N4BP2: variants seen among roughly 807,000 people sequenced by gnomAD.
N4BP2 encodes the protein NEDD4 binding protein 2, also known as NEDD4-binding protein 2.
A neutral mutation model predicts 152.8 loss-of-function variants in N4BP2; 91 were observed. The observed-to-expected ratio is 0.60, with a 90% CI of 0.50 to 0.71. The LOEUF (loss-of-function observed/expected upper bound fraction) is 0.71. Ranked by LOEUF, N4BP2 falls within the 30% of genes least tolerant of loss-of-function variation. The pLI is 0.00. For missense variants in N4BP2, 1,923 were observed against 2,059.1 expected, an observed-to-expected ratio of 0.93 and a Z score of 1.28; for synonymous variants, 646 against 705.3, an observed-to-expected ratio of 0.92 and a Z score of 1.33.
intron 16 of N4BP2, among the ~76,000 whole-genome samples, chr4:40,151,715 T>G (rs1231960045): frequency 1.3e-5 from 2 of 152,236 alleles, no homozygotes; most frequent in Non-Finnish European, 2.9e-5. Context: ...AATACCTTTG[T>G]GAAGCTAGCA....
chr4:40,117,878 T>G lies in N4BP2; in HGVS notation c.1674T>G (p.Ile558Met). 1 of 1,606,378 alleles carries G rather than the reference T, an allele frequency of 6.2e-7. No individual in the cohort carries two copies. Among genetic ancestry groups the G allele is most frequent in the East Asian group, 2.2e-5 (1 of 44,702 alleles). The part of the protein sequence containing the change: ...FKPKELARRN[I>M]HGVSKEKITR... Reference sequence around the variant, plus strand: ...CCCCTGGAATTTTCAGGCGTAACATTCATGGGGTAAGCAAAGAAAAAATAA... The same window carrying G: ...CCCCTGGAATTTTCAGGCGTAACATGCATGGGGTAAGCAAAGAAAAAATAA... Residue 558 changes from isoleucine to methionine, a missense_variant, in exon 8 of 18, where the codon ATT (isoleucine) becomes ATG (methionine). Ile to Met is a conservative substitution (Grantham distance 10). Coordinates refer to ENST00000261435, the MANE Select transcript of N4BP2 (RefSeq NM_018177.6).
At chr4:40,144,586 G>A (rs765412225) in intron 15 of N4BP2, 46 bp from the exon 16 acceptor site, 14 of 1,490,118 alleles carry the variant, frequency 9.4e-6, no homozygotes, top group Non-Finnish European at 1.3e-5. Context: ...CATCACCCAA[G>A]TAGCAAACAG....
At position 40,073,446 on chromosome 4, in the gene N4BP2, C is replaced by G. The variant is rs1382706629; in HGVS notation, c.-211-9C>G. On this transcript the variant is annotated splice_polypyrimidine_tract_variant and intron_variant, in intron 1 of 17. Coordinates refer to ENST00000261435, the MANE Select transcript of N4BP2 (RefSeq NM_018177.6). ...AATTTGACTTTAATATATAACTTTC[C>G]TTTCATAGTAAGAAGACATGTTGGA... 2 of 151,956 alleles carry G rather than the reference C, an allele frequency of 1.3e-5. No homozygotes were observed. Among genetic ancestry groups the G allele is most frequent in the Non-Finnish European group, 2.9e-5 (2 of 68,008 alleles). 9.4% of individuals were successfully genotyped at this position (151,956 alleles called of 1,614,324 possible).
rs112515359 is a variant in N4BP2 at position 40,084,434 on chromosome 4, AT to A, written c.-115+10897del. On this transcript the variant is annotated intron_variant, in intron 2 of 17. Transcript: ENST00000261435. Reference sequence around the variant, plus strand: ...CACTTTTAGATATGCCTGGTTTGAGATTTTTTTTTTTTTTCCTCCGAGATGG... The same window carrying A: ...CACTTTTAGATATGCCTGGTTTGAGATTTTTTTTTTTTTCCTCCGAGATGG... Among the ~76,000 whole-genome samples, 135 of 141,330 alleles carry A rather than the reference AT, an allele frequency of 9.6e-4. 1 individual carries two copies. Among genetic ancestry groups the A allele is most frequent in the Admixed American group, 9.3e-4 (13 of 13,980 alleles). The allele number at this position is 141,330 out of a possible 152,430, so 92.7% of individuals were successfully genotyped here.
At chr4:40,115,281 G>C (rs1322666077) in intron 7 of N4BP2, among the ~76,000 whole-genome samples, 6 of 152,120 alleles carry the variant, frequency 3.9e-5, no homozygotes, top group Non-Finnish European at 2.9e-5. Flanking sequence ...AGGATTTCTT[G>C]AGCCCAGGAG....
rs28494890 is a variant in N4BP2, at chr4:40,057,663, C to T, written c.-212+633C>T. Among the ~76,000 whole-genome samples, 754 of 152,276 alleles carry T rather than the reference C, an allele frequency of 5.0e-3. 8 individuals carry two copies. Among genetic ancestry groups the T allele is most frequent in the African/African-American group, 0.017 (727 of 41,564 alleles). On this transcript the variant is annotated intron_variant, in intron 1 of 17. Coordinates refer to ENST00000261435, the MANE Select transcript of N4BP2 (RefSeq NM_018177.6). ...CCTCAATGGGACCCTTCTAGAGCCC[C>T]TCTCTCATCGGGACTCTCTCTAAGC...
chr4:40,120,533 G>GA lies in N4BP2; in HGVS notation c.2428dup (p.Thr810AsnfsTer11). ...GAGGACAAAAAGGAACAGAAAAACTGAAAAAACTTCATCCGTACAAAGCGA... is the reference window on the plus strand; with the variant it reads ...GAGGACAAAAAGGAACAGAAAAACTGAAAAAAACTTCATCCGTACAAAGCGA... On this transcript the variant is annotated frameshift_variant, in exon 9 of 18. Coordinates refer to ENST00000261435, the MANE Select transcript of N4BP2 (RefSeq NM_018177.6). LOFTEE classifies it high-confidence loss of function. 1.2e-6 allele frequency: 2 copies of GA among 1,613,086 alleles called. No individual in the cohort carries two copies. The highest frequency in any genetic ancestry group is 1.7e-6 in the Non-Finnish European group (2 of 1,179,760).
intron 1 of N4BP2, among the ~76,000 whole-genome samples, chr4:40,063,934 C>T (rs771328421): frequency 1.6e-4 from 24 of 151,540 alleles, no homozygotes; most frequent in Admixed American, 7.9e-4. Flanking sequence ...TGTGAGCCAC[C>T]GTGCTGGCCA....
chr4:40,168,598 C>T, the N4BP2 span, among the ~76,000 whole-genome samples: 8 of 151,664 alleles, frequency 5.3e-5, no homozygotes, highest in African/African-American at 1.7e-4. Context: ...GATTTTACAC[C>T]TTTTTCAGAA....
At chr4:40,114,366 ATGCCTACAAGCAGTTACT>A (rs2109984896) in intron 7 of N4BP2, among the ~76,000 whole-genome samples, 1 of 152,248 alleles carries the variant, frequency 6.6e-6, no homozygotes, top group South Asian at 2.1e-4. Context: ...AAGAAGCCCT[ATGCCTACAAGCAGTTACT>A]CTAGTTCCCC....
intron 16 of N4BP2, among the ~76,000 whole-genome samples, chr4:40,145,991 G>A (rs890831478): frequency 6.6e-6 from 1 of 151,698 alleles, no homozygotes; most frequent in Non-Finnish European, 1.5e-5. Context: ...GTGAAACCCC[G>A]TCTCTACTAA....
Position 40,097,569 on chromosome 4 carries a change from G to A in N4BP2, c.229G>A (p.Val77Ile). Residue 77 changes from valine (V) to isoleucine (I), a missense_variant and splice_region_variant, in exon 3 of 18, where the codon GTT becomes ATT. Transcript: ENST00000261435. ...GATGCTTTCTGAATGTGATTTCAAA[G>A]GTGAGAAAAAGTTTAGTTTGAACCC... Reference protein sequence around the residue: ...YLMLSECDFKVENAMDCLLEL... With the variant: ...YLMLSECDFKIENAMDCLLEL... 1 of 1,603,498 alleles carries A rather than the reference G, an allele frequency of 6.2e-7. No individual in the cohort carries two copies. The highest frequency in any genetic ancestry group is 8.5e-7 in the Non-Finnish European group (1 of 1,171,102).
chr4:40,128,540 T>TG (rs1234078524), intron 12 of N4BP2, among the ~76,000 whole-genome samples: 2 of 56,478 alleles, frequency 3.5e-5, no homozygotes, highest in African/African-American at 1.2e-4. Flanking sequence ...CTTCTTTCTG[T>TG]TTTTTTTTTT....
At chr4:40,107,445 G>T (rs1324782480) in intron 5 of N4BP2, among the ~76,000 whole-genome samples, 1 of 151,626 alleles carries the variant, frequency 6.6e-6, no homozygotes, top group Non-Finnish European at 1.5e-5. Flanking sequence ...GTACAGTGGT[G>T]CAATCTGGGT....
intron 1 of N4BP2, among the ~76,000 whole-genome samples, chr4:40,071,648 C>T (rs1216225963): frequency 6.6e-6 from 1 of 152,076 alleles, no homozygotes; most frequent in Admixed American, 6.6e-5. Flanking sequence ...CTCACTGCAA[C>T]CTCTGTCTCT....
chr4:40,127,531 G>A (rs1423176876), intron 12 of N4BP2, among the ~76,000 whole-genome samples: 1 of 151,850 alleles, frequency 6.6e-6, no homozygotes, highest in Non-Finnish European at 1.5e-5. Flanking sequence ...ATCTTTTTCA[G>A]CTTTTAATAT....
At chr4:40,114,042 T>C (rs1170055152) in intron 7 of N4BP2, among the ~76,000 whole-genome samples, 1 of 152,190 alleles carries the variant, frequency 6.6e-6, no homozygotes, top group Non-Finnish European at 1.5e-5. Context: ...GATATAGAGA[T>C]GGAAAAGGTA....
At chr4:40,179,590 T>A in the N4BP2 span, among the ~76,000 whole-genome samples, 1 of 152,152 alleles carries the variant, frequency 6.6e-6, no homozygotes, top group African/African-American at 2.4e-5. Context: ...CACATGGAAA[T>A]TAAATAATTT....
chr4:40,103,744 C>A (rs1355832194), intron 4 of N4BP2, among the ~76,000 whole-genome samples: 2 of 152,104 alleles, frequency 1.3e-5, no homozygotes, highest in Non-Finnish European at 2.9e-5. Flanking sequence ...AAATAGAGTA[C>A]CATCAGTTAT....
Sources: gnomAD v4.1 joint callset for allele counts (sites outside exome capture counted in the v4.1 genomes callset) on GRCh38, gnomAD v4.1.1 for gene constraint, MANE v1.5 for transcripts, NCBI Gene and HGNC (gene_info 2026-07-23, HGNC 2026-07-21) for gene names.